Variants in FHIT observed in about 807,000 individuals in gnomAD.
The protein encoded by FHIT is bis(5'-adenosyl)-triphosphatase.
A neutral mutation model predicts 17.9 loss-of-function variants in FHIT; 19 were observed. That is an observed-to-expected ratio of 1.06 (90% CI 0.74 to 1.56). FHIT has a LOEUF of 1.56. Among genes scored for constraint, FHIT ranks in the 40% most tolerant of loss-of-function variants. FHIT has a pLI of 0.00. For missense variants in FHIT, 248 were observed against 189.2 expected (o/e 1.31, Z -1.82); for synonymous variants, 81 against 69.7 (o/e 1.16, Z -0.81).
At chr3:60,144,240 G>C (rs964055277) in intron 5 of FHIT, among the ~76,000 whole-genome samples, 2 of 152,156 alleles carry the variant, frequency 1.3e-5, no homozygotes, top group Non-Finnish European at 1.5e-5. Context: ...AGCAAGGCTG[G>C]GGAGACCAAC....
At chr3:60,108,604 T>G (rs575136750) in intron 5 of FHIT, among the ~76,000 whole-genome samples, 14 of 152,142 alleles carry the variant, frequency 9.2e-5, no homozygotes, top group African/African-American at 3.1e-4. Context: ...CGACAGATCA[T>G]GCTAAAATTA....
At chr3:59,828,364 T>C (rs556012167) in intron 8 of FHIT, among the ~76,000 whole-genome samples, 1 of 152,350 alleles carries the variant, frequency 6.6e-6, no homozygotes, top group African/African-American at 2.4e-5. Flanking sequence ...GTTACTGTGT[T>C]GCTTCAGTAA....
At chr3:59,930,709 G>A (rs931872367) in intron 7 of FHIT, among the ~76,000 whole-genome samples, 17 of 152,146 alleles carry the variant, frequency 1.1e-4, no homozygotes, top group African/African-American at 3.6e-4. Context: ...AAAACTACTA[G>A]GATTAGAATT....
chr3:60,606,215 C>T (rs552159682), intron 4 of FHIT, among the ~76,000 whole-genome samples: 2 of 151,942 alleles, frequency 1.3e-5, no homozygotes, highest in Non-Finnish European at 2.9e-5. Context: ...GTTTTGGTTC[C>T]TCAGTCCCTA....
At chr3:60,002,524 G>C (rs1023176982) in intron 7 of FHIT, among the ~76,000 whole-genome samples, 6 of 152,218 alleles carry the variant, frequency 3.9e-5, no homozygotes, top group Non-Finnish European at 8.8e-5. Context: ...AATTGACTTA[G>C]AAGGAGGGAA....
intron 5 of FHIT, among the ~76,000 whole-genome samples, chr3:60,113,280 A>G (rs1217812201): frequency 1.3e-5 from 2 of 152,208 alleles, no homozygotes; most frequent in African/African-American, 2.4e-5. Context: ...TGAAACACAT[A>G]CCAAGCATTC....
chr3:61,044,429 G>C (rs759028981), intron 2 of FHIT, among the ~76,000 whole-genome samples: 9 of 152,082 alleles, frequency 5.9e-5, no homozygotes, highest in Non-Finnish European at 1.3e-4. Context: ...GAGAAGTTTA[G>C]AGAAAAAAGA....
At chr3:61,044,955 C>T (rs527442108) in intron 2 of FHIT, among the ~76,000 whole-genome samples, 96 of 152,290 alleles carry the variant, frequency 6.3e-4, no homozygotes, top group African/African-American at 2.2e-3. Flanking sequence ...CACCACCAGG[C>T]CTGCCTTACA....
chr3:60,896,306 G>A (rs910128510), intron 3 of FHIT, among the ~76,000 whole-genome samples: 9 of 152,126 alleles, frequency 5.9e-5, no homozygotes, highest in African/African-American at 2.2e-4. Context: ...TGGGCACTCA[G>A]TGTGTTCACT....
intron 7 of FHIT, among the ~76,000 whole-genome samples, chr3:59,984,284 G>A (rs1218396724): frequency 6.6e-6 from 1 of 151,970 alleles, no homozygotes. Context: ...GATGGGCCCA[G>A]GAAGCACCAT....
intron 4 of FHIT, among the ~76,000 whole-genome samples, chr3:60,539,639 T>C (rs940070339): frequency 2.0e-5 from 3 of 152,176 alleles, no homozygotes; most frequent in Non-Finnish European, 2.9e-5. Context: ...ATGTCCTTTG[T>C]AGGGACATGG....
At chr3:60,767,839 C>T (rs1164793498) in intron 4 of FHIT, among the ~76,000 whole-genome samples, 7 of 152,156 alleles carry the variant, frequency 4.6e-5, no homozygotes, top group South Asian at 2.1e-4. Context: ...CTGAGCTGCC[C>T]AACCTGAATT....
chr3:61,190,204 G>T (rs895183483), intron 2 of FHIT, among the ~76,000 whole-genome samples: 3 of 151,284 alleles, frequency 2.0e-5, no homozygotes, highest in African/African-American at 7.3e-5. Context: ...GGGCTAATAT[G>T]CCAAATCTAC....
intron 5 of FHIT, among the ~76,000 whole-genome samples, chr3:60,438,137 C>T (rs879796927): frequency 6.6e-6 from 1 of 152,066 alleles, no homozygotes; most frequent in Non-Finnish European, 1.5e-5. Context: ...CCAGCATTTG[C>T]ACCGTAGTCC....
chr3:60,510,009 A>T (rs1182495700), intron 5 of FHIT, among the ~76,000 whole-genome samples: 1 of 152,202 alleles, frequency 6.6e-6, no homozygotes, highest in African/African-American at 2.4e-5. Flanking sequence ...GGTGAGGTTG[A>T]CTACAAAGAG....
At position 60,856,889 on chromosome 3, in the gene FHIT, T is replaced by C. The variant is rs574098877; in HGVS notation, c.-110-34878A>G. Among the ~76,000 whole-genome samples the C allele has an allele frequency of 2.0e-5, 3 of 152,270 alleles. No individual in the cohort carries two copies. In the South Asian group the frequency reaches 6.2e-4, roughly 32 times the overall value. On this transcript the variant is annotated intron_variant, in intron 3 of 9. Transcript: ENST00000492590. ...TCCTCTTCACTGGTCTAATGCCTAC[T>C]CATACTTGGCTTCTGAGATTGTACT... is the stretch of plus-strand genomic sequence containing the variant.
intron 4 of FHIT, among the ~76,000 whole-genome samples, chr3:60,563,996 G>A (rs185375280): frequency 2.6e-5 from 4 of 152,300 alleles, no homozygotes; most frequent in Admixed American, 2.6e-4. Flanking sequence ...ATCAAGGACT[G>A]TCCTAGCTAG....
intron 2 of FHIT, among the ~76,000 whole-genome samples, chr3:61,186,571 C>T (rs1291056264): frequency 2.6e-5 from 4 of 152,206 alleles, no homozygotes; most frequent in Non-Finnish European, 5.9e-5. Context: ...CTGAGACAGT[C>T]TCCTGCTCTT....
At chr3:59,831,473 C>T (rs1208669118) in intron 8 of FHIT, among the ~76,000 whole-genome samples, 1 of 152,094 alleles carries the variant, frequency 6.6e-6, no homozygotes, top group African/African-American at 2.4e-5. Context: ...AGTAATAAAG[C>T]TGAAATAGAA....
Sources: gnomAD v4.1 joint callset for allele counts (sites outside exome capture counted in the v4.1 genomes callset) on GRCh38, gnomAD v4.1.1 for gene constraint, MANE v1.5 for transcripts, NCBI Gene and HGNC (gene_info 2026-07-23, HGNC 2026-07-21) for gene names.